The following PRDM16 variants were observed in gnomAD, a reference collection of about 807,000 sequenced individuals.
PRDM16 encodes the protein histone-lysine N-methyltransferase PRDM16.
A neutral mutation model predicts 110.6 loss-of-function variants in PRDM16; 23 were observed. The ratio of observed to expected loss-of-function variants is 0.21; its 90% CI spans 0.15 to 0.29. The LOEUF is 0.29. Among genes scored for constraint, PRDM16 ranks in the 10% least tolerant of loss-of-function variants. PRDM16 has a pLI of 1.00. For synonymous variants in PRDM16, 799 were observed against 781.8 expected (o/e 1.02, Z -0.37); for missense variants, 1,615 against 1,794.3 (o/e 0.90, Z 1.81).
At chr1:3,181,206 G>GCA (rs1445300020) in intron 1 of PRDM16, among the ~76,000 whole-genome samples, 639 of 109,372 alleles carry the variant, frequency 5.8e-3, no homozygotes, top group African/African-American at 0.021. Flanking sequence ...TCTTACACAC[G>GCA]GTCTTACACA....
chr1:3,183,996 C>T (rs1644239578), intron 1 of PRDM16, among the ~76,000 whole-genome samples: 1 of 150,852 alleles, frequency 6.6e-6, no homozygotes, highest in Non-Finnish European at 1.5e-5. Flanking sequence ...TGTTAATTAC[C>T]ACCCCCCCCA....
intron 3 of PRDM16, among the ~76,000 whole-genome samples, chr1:3,357,232 C>T (rs1225183978): frequency 3.3e-5 from 5 of 152,158 alleles, no homozygotes; most frequent in African/African-American, 1.2e-4. Flanking sequence ...TGCGTGCCTC[C>T]ACCTGGGCCA....
rs142432239 is a variant in PRDM16, at chr1:3,252,762, G to A, written c.438+8625G>A. On this transcript the variant is annotated intron_variant, in intron 3 of 16. Coordinates refer to ENST00000270722, the MANE Select transcript of PRDM16 (RefSeq NM_022114.4). ...CTGTGATCCCACAGCTGCGTGGACC[G>A]TGGGGGTCCCAGCTGGGACCACTGA... is the stretch of plus-strand genomic sequence containing the variant. 4.0e-3 allele frequency among the ~76,000 whole-genome samples: 615 copies of A among 152,246 alleles called. 5 individuals are homozygous for A. The highest frequency in any genetic ancestry group is 7.1e-3 in the Non-Finnish European group (480 of 68,012).
chr1:3,092,987 G>A (rs776149708), intron 1 of PRDM16, among the ~76,000 whole-genome samples: 11 of 152,286 alleles, frequency 7.2e-5, no homozygotes, highest in Admixed American at 1.3e-4. Context: ...TGCAGGGACC[G>A]AGGTGGCGTC....
At chr1:3,203,630 G>C (rs1163066733) in intron 2 of PRDM16, among the ~76,000 whole-genome samples, 1 of 152,200 alleles carries the variant, frequency 6.6e-6, no homozygotes, top group Non-Finnish European at 1.5e-5. Flanking sequence ...TTGGCTTGCA[G>C]ACACGGTGCC....
intron 14 of PRDM16, among the ~76,000 whole-genome samples, chr1:3,428,076 T>C (rs893149605): frequency 1.2e-4 from 19 of 152,330 alleles, no homozygotes; most frequent in African/African-American, 4.6e-4. Context: ...AATGGCATCC[T>C]TGCCGGGGTG....
chr1:3,367,371 G>A (rs532367485), intron 3 of PRDM16, among the ~76,000 whole-genome samples: 4 of 152,332 alleles, frequency 2.6e-5, no homozygotes, highest in African/African-American at 4.8e-5. Flanking sequence ...GACAGGAAGC[G>A]TGTGCGGGTT....
chr1:3,278,870 G>A (rs922262002), intron 3 of PRDM16, among the ~76,000 whole-genome samples: 4 of 152,184 alleles, frequency 2.6e-5, no homozygotes, highest in Non-Finnish European at 5.9e-5. Flanking sequence ...TCCTCTCAAC[G>A]TGGCCCAGCT....
chr1:3,261,614 G>C (rs933446169), intron 3 of PRDM16, among the ~76,000 whole-genome samples: 2 of 152,082 alleles, frequency 1.3e-5, no homozygotes, highest in Admixed American at 1.3e-4. Context: ...CTGTACACAC[G>C]GCATTGCCCA....
rs753198129 is a variant in PRDM16, at chr1:3,093,062, G to A, written c.37+23766G>A. Among the ~76,000 whole-genome samples, 8 of 152,098 alleles carry A rather than the reference G, an allele frequency of 5.3e-5. No homozygotes were observed. The South Asian group carries it at 6.2e-4, about 12-fold the overall frequency. On this transcript the variant is annotated intron_variant, in intron 1 of 16. Transcript: ENST00000270722. ...AACATGGGGCCAGCCCTGGCTGACC[G>A]CCCTCAATAGTAACTTCCCTGAGCT... is the stretch of plus-strand genomic sequence containing the variant.
chr1:3,261,054 T>G (rs999448895), intron 3 of PRDM16, among the ~76,000 whole-genome samples: 1 of 148,560 alleles, frequency 6.7e-6, no homozygotes, highest in Non-Finnish European at 1.5e-5. Context: ...GTTCCTGGGC[T>G]AGGGAGGACC....
intron 3 of PRDM16, among the ~76,000 whole-genome samples, chr1:3,356,304 A>T (rs1021347881): frequency 1.3e-5 from 2 of 152,164 alleles, no homozygotes; most frequent in Non-Finnish European, 2.9e-5. Context: ...TCTAAAGGTG[A>T]CAGTGCCCCT....
intron 1 of PRDM16, among the ~76,000 whole-genome samples, chr1:3,112,740 G>A (rs908670237): frequency 6.6e-6 from 1 of 152,260 alleles, no homozygotes; most frequent in Non-Finnish European, 1.5e-5. Context: ...GAGGGTTTCT[G>A]CCAGCTAAGG....
In PRDM16 at chr1:3,211,312, C is replaced by T. The variant is rs79691189; in HGVS notation, c.387+24838C>T. On this transcript the variant is annotated intron_variant, in intron 2 of 16. Transcript: ENST00000270722. ...GCCGATTTTCTTTTTCTAAGTAGAC[C>T]GATTGAAAATAAGTGAAAGTCATTT... 2.1e-3 allele frequency among the ~76,000 whole-genome samples: 317 copies of T among 152,266 alleles called. 2 individuals carry two copies. Among genetic ancestry groups the T allele is most frequent in the African/African-American group, 7.2e-3 (298 of 41,550 alleles).
intron 3 of PRDM16, among the ~76,000 whole-genome samples, chr1:3,287,805 G>A (rs1284005565): frequency 6.7e-6 from 1 of 148,748 alleles, no homozygotes; most frequent in Non-Finnish European, 1.5e-5. Flanking sequence ...CCCCTGCCAC[G>A]TGGGCATCCA....
intron 3 of PRDM16, chr1:3,308,532 G>A (rs1641365429): frequency 6.6e-6 from 1 of 152,302 alleles, no homozygotes; most frequent in Non-Finnish European, 1.5e-5. Flanking sequence ...CTGGGGGAGG[G>A]ATTCTTCCCG....
At position 3,084,227 on chromosome 1, in the gene PRDM16, C is replaced by A. The variant is rs142957876; in HGVS notation, c.37+14931C>A. Among the ~76,000 whole-genome samples the A allele has an allele frequency of 4.4e-3, 670 of 152,268 alleles. 5 individuals are homozygous for A. The highest frequency in any genetic ancestry group is 0.024 in the Middle Eastern group (7 of 294). On this transcript the variant is annotated intron_variant, in intron 1 of 16. Transcript: ENST00000270722. ...GCCCTGGGGCGTCTGGGGGCCTGTACCCCTCGGGTGGGGCAGGTTGGGCTG... is the reference window on the plus strand; with the variant it reads ...GCCCTGGGGCGTCTGGGGGCCTGTAACCCTCGGGTGGGGCAGGTTGGGCTG...
chr1:3,120,991 T>C (rs1279632568), intron 1 of PRDM16, among the ~76,000 whole-genome samples: 2 of 152,246 alleles, frequency 1.3e-5, no homozygotes, highest in African/African-American at 4.8e-5. Context: ...CAGGATATGA[T>C]TGACTTGTGA....
At chr1:3,077,799 G>T (rs1003361977) in intron 1 of PRDM16, among the ~76,000 whole-genome samples, 13 of 152,162 alleles carry the variant, frequency 8.5e-5, no homozygotes, top group Non-Finnish European at 1.5e-4. Flanking sequence ...CGTTGCTGTA[G>T]GCAGGGCCCG....
Sources: gnomAD v4.1 joint callset for allele counts (sites outside exome capture counted in the v4.1 genomes callset) on GRCh38, gnomAD v4.1.1 for gene constraint, MANE v1.5 for transcripts, NCBI Gene and HGNC (gene_info 2026-07-23, HGNC 2026-07-21) for gene names.